The following LMBR1 variants were observed in gnomAD, a reference collection of about 807,000 sequenced individuals.
The protein encoded by LMBR1 is limb development membrane protein 1.
A neutral mutation model predicts 73.9 loss-of-function variants in LMBR1; 52 were observed. The observed-to-expected ratio is 0.70, with a 90% CI of 0.56 to 0.89. LMBR1 has a LOEUF of 0.89. LMBR1 is among the 40% of genes least tolerant of loss of function. The pLI is 0.00. For synonymous variants in LMBR1, 215 were observed against 209.4 expected (o/e 1.03, Z -0.23); for missense variants, 539 against 579.8 (o/e 0.93, Z 0.72).
intron 15 of LMBR1, among the ~76,000 whole-genome samples, chr7:156,692,711 G>A (rs1390689352): frequency 6.6e-6 from 1 of 152,142 alleles, no homozygotes; most frequent in African/African-American, 2.4e-5. Flanking sequence ...TTCATGAGAC[G>A]AAGCTTGGAG....
intron 1 of LMBR1, among the ~76,000 whole-genome samples, chr7:156,889,193 T>C (rs955419775): frequency 2.6e-5 from 4 of 152,164 alleles, no homozygotes; most frequent in East Asian, 1.9e-4. Context: ...CAGATTCATA[T>C]AGGCAGAACC....
At chr7:156,890,017 T>C (rs768701351) in intron 1 of LMBR1, among the ~76,000 whole-genome samples, 14 of 151,986 alleles carry the variant, frequency 9.2e-5, no homozygotes, top group Non-Finnish European at 1.8e-4. Flanking sequence ...TTTTAAAAAA[T>C]AATAAAACTA....
downstream of LMBR1, chr7:156,676,151 T>C (rs1340422492): frequency 1.9e-6 from 2 of 1,075,978 alleles, no homozygotes; most frequent in Non-Finnish European, 2.6e-6. Flanking sequence ...TCCCTTCAGT[T>C]TGAAATTCTG....
At chr7:156,691,488 T>A (rs1022357865) in intron 15 of LMBR1, among the ~76,000 whole-genome samples, 3 of 152,216 alleles carry the variant, frequency 2.0e-5, no homozygotes, top group Admixed American at 2.0e-4. Context: ...CTGGTTTCTC[T>A]ACCTGCAATA....
chr7:156,800,266 G>C (rs1470567344), intron 4 of LMBR1, among the ~76,000 whole-genome samples: 1 of 152,256 alleles, frequency 6.6e-6, no homozygotes, highest in African/African-American at 2.4e-5. Context: ...CAATCAACAG[G>C]CTGACTCACT....
At chr7:156,865,834 G>A (rs1351721288) in intron 1 of LMBR1, among the ~76,000 whole-genome samples, 3 of 152,136 alleles carry the variant, frequency 2.0e-5, no homozygotes, top group Admixed American at 2.0e-4. Context: ...TGGGGGTATG[G>A]GGGAAATAGC....
At chr7:156,799,871 G>C (rs1347767195) in intron 4 of LMBR1, among the ~76,000 whole-genome samples, 2 of 152,216 alleles carry the variant, frequency 1.3e-5, no homozygotes, top group Admixed American at 6.5e-5. Context: ...TGCTGATATG[G>C]AGAAAGGTTT....
rs560049342 is a variant in LMBR1 at position 156,830,996 on chromosome 7, C to T, written c.179+2757G>A. ...ATTAAATATGTAAATGTATAATAAA[C>T]TAAAGATGATAAGTGTTACAGGAAA... On this transcript the variant is annotated intron_variant, in intron 3 of 16. Coordinates refer to ENST00000353442, the MANE Select transcript of LMBR1 (RefSeq NM_022458.4). Among the ~76,000 whole-genome samples, 73 of 152,188 alleles carry T rather than the reference C, an allele frequency of 4.8e-4. 1 individual carries two copies. The highest frequency in any genetic ancestry group is 1.6e-3 in the African/African-American group (66 of 41,508).
At position 156,678,177 on chromosome 7, in the gene LMBR1, T is replaced by C. The variant is rs1804399046; in HGVS notation, c.*5901A>G. ...TCCGTGCCTATGTTGGCAGAGTCCA[T>C]CTCTATTCTTTGCAACCAAGTGCAG... On this transcript the variant is annotated 3_prime_UTR_variant, in exon 17 of 17. Transcript: ENST00000353442. 1 of 152,252 alleles carries C rather than the reference T, an allele frequency of 6.6e-6. No homozygotes were observed. Among genetic ancestry groups the C allele is most frequent in the Non-Finnish European group, 1.5e-5 (1 of 68,054 alleles). The allele number at this position is 152,252 out of a possible 1,614,324, so 9.4% of individuals were successfully genotyped here.
At chr7:156,880,347 G>A (rs761642180) in intron 1 of LMBR1, among the ~76,000 whole-genome samples, 18 of 152,114 alleles carry the variant, frequency 1.2e-4, no homozygotes, top group Non-Finnish European at 2.4e-4. Flanking sequence ...GACTCAGGGG[G>A]AAAGGGTGGG....
chr7:156,760,419 G>C (rs1822758638), intron 8 of LMBR1, among the ~76,000 whole-genome samples: 1 of 152,162 alleles, frequency 6.6e-6, no homozygotes, highest in African/African-American at 2.4e-5. Flanking sequence ...TTCCTCATTA[G>C]AATTAGGCAT....
intron 1 of LMBR1, among the ~76,000 whole-genome samples, chr7:156,858,729 T>TA (rs1797319722): frequency 6.6e-6 from 1 of 152,164 alleles, no homozygotes; most frequent in Non-Finnish European, 1.5e-5. Flanking sequence ...AAGTGGGAAT[T>TA]ATCTAGTTAT....
At chr7:156,736,458 AAGCATGCACAT>A in intron 9 of LMBR1, 1 of 451,018 alleles carries the variant, frequency 2.2e-6, no homozygotes, top group South Asian at 1.6e-5. Flanking sequence ...TATCAAGATG[AAGCATGCACAT>A]AGCTCAAAGT....
At chr7:156,734,907 A>G (rs1817562820) in intron 9 of LMBR1, among the ~76,000 whole-genome samples, 1 of 152,178 alleles carries the variant, frequency 6.6e-6, no homozygotes, top group African/African-American at 2.4e-5. Flanking sequence ...GGTTTTTATT[A>G]CATGTTTTAC....
At chr7:156,866,197 T>C (rs1798433131) in intron 1 of LMBR1, among the ~76,000 whole-genome samples, 1 of 152,144 alleles carries the variant, frequency 6.6e-6, no homozygotes, top group African/African-American at 2.4e-5. Flanking sequence ...GTCTTATGTC[T>C]AGATTATGTC....
At chr7:156,719,720 T>C (rs1212751285) in intron 15 of LMBR1, among the ~76,000 whole-genome samples, 1 of 152,088 alleles carries the variant, frequency 6.6e-6, no homozygotes, top group Non-Finnish European at 1.5e-5. Flanking sequence ...AAGGCTACAG[T>C]AACCAAAACA....
chr7:156,794,357 T>C (rs1829737564), intron 5 of LMBR1, among the ~76,000 whole-genome samples: 1 of 152,188 alleles, frequency 6.6e-6, no homozygotes, highest in South Asian at 2.1e-4. Flanking sequence ...CTAATTAACT[T>C]CTATGATCCC....
chr7:156,676,056 T>C (rs1486602213), downstream of LMBR1, among the ~76,000 whole-genome samples: 1 of 150,256 alleles, frequency 6.7e-6, no homozygotes, highest in Non-Finnish European at 1.5e-5. Context: ...AGCCTAGGAG[T>C]GTCAGTCCCG....
intron 4 of LMBR1, among the ~76,000 whole-genome samples, chr7:156,803,086 C>A (rs1366962372): frequency 6.6e-6 from 1 of 152,108 alleles, no homozygotes; most frequent in Non-Finnish European, 1.5e-5. Flanking sequence ...AGGACATAGG[C>A]ATGGGCAAGG....
Sources: gnomAD v4.1 joint callset for allele counts (sites outside exome capture counted in the v4.1 genomes callset) on GRCh38, gnomAD v4.1.1 for gene constraint, MANE v1.5 for transcripts, NCBI Gene and HGNC (gene_info 2026-07-23, HGNC 2026-07-21) for gene names.